Variants in ADGRL3 observed in about 807,000 individuals in gnomAD.
The protein encoded by ADGRL3 is adhesion G protein-coupled receptor L3.
ADGRL3 carries 62 observed loss-of-function variants against 153.5 expected under a neutral mutation model. The ratio of observed to expected loss-of-function variants is 0.40; its 90% CI spans 0.33 to 0.50. The LOEUF (loss-of-function observed/expected upper bound fraction) is 0.50, where lower values mean the gene tolerates loss of function less well. Ranked by LOEUF, ADGRL3 falls within the 20% of genes least tolerant of loss-of-function variation. ADGRL3 has a pLI of 0.47. For synonymous variants in ADGRL3, 710 were observed against 672.5 expected (o/e 1.06, Z -0.86); for missense variants, 1,641 against 1,859.4 (o/e 0.88, Z 2.16).
At chr4:61,369,799 G>A (rs552350753) in intron 1 of ADGRL3, among the ~76,000 whole-genome samples, 4,845 of 152,190 alleles carry the variant, frequency 0.032, 97 homozygotes, top group Non-Finnish European at 0.05. Flanking sequence ...GTTTCAGAAG[G>A]AATGGTACCA....
chr4:61,207,959 A>G (rs530344003), intron 1 of ADGRL3, among the ~76,000 whole-genome samples: 27 of 152,324 alleles, frequency 1.8e-4, no homozygotes, highest in African/African-American at 6.3e-4. Context: ...TCCAACCTGT[A>G]AAAAGATAGG....
intron 1 of ADGRL3, among the ~76,000 whole-genome samples, chr4:61,247,697 T>C (rs1757624011): frequency 6.6e-6 from 1 of 152,058 alleles, no homozygotes; most frequent in South Asian, 2.1e-4. Context: ...CTACATATTT[T>C]ACATTAAAAT....
chr4:61,212,836 T>A (rs964643310), intron 1 of ADGRL3, among the ~76,000 whole-genome samples: 2 of 152,168 alleles, frequency 1.3e-5, no homozygotes, highest in African/African-American at 4.8e-5. Context: ...ATTAGTATGC[T>A]GTCAACATTT....
chr4:61,665,864 G>A (rs759252702), intron 5 of ADGRL3, among the ~76,000 whole-genome samples: 1 of 152,080 alleles, frequency 6.6e-6, no homozygotes, highest in African/African-American at 2.4e-5. Context: ...AGTACCAAGT[G>A]GGAGATAAAA....
At chr4:61,844,990 A>G (rs1400155365) in intron 9 of ADGRL3, among the ~76,000 whole-genome samples, 1 of 152,186 alleles carries the variant, frequency 6.6e-6, no homozygotes, top group Non-Finnish European at 1.5e-5. Flanking sequence ...ATTAAGAAAG[A>G]AAATAGAAGA....
intron 4 of ADGRL3, among the ~76,000 whole-genome samples, chr4:61,547,931 T>C (rs1032881866): frequency 6.6e-6 from 1 of 152,120 alleles, no homozygotes; most frequent in Non-Finnish European, 1.5e-5. Flanking sequence ...TTTTTGACTT[T>C]TTAATAGTAG....
chr4:61,544,692 T>C (rs2148691241), intron 4 of ADGRL3, among the ~76,000 whole-genome samples: 1 of 152,346 alleles, frequency 6.6e-6, no homozygotes, highest in Non-Finnish European at 1.5e-5. Context: ...TTGAAGTTTT[T>C]ATATTTTATG....
At chr4:61,496,447 T>A (rs1300887857) in intron 2 of ADGRL3, among the ~76,000 whole-genome samples, 1 of 150,720 alleles carries the variant, frequency 6.6e-6, no homozygotes, top group Non-Finnish European at 1.5e-5. Context: ...GTGGATCACC[T>A]GAGGTCGGGA....
chr4:61,738,316 G>A (rs908094619), intron 8 of ADGRL3, among the ~76,000 whole-genome samples: 10 of 152,008 alleles, frequency 6.6e-5, no homozygotes, highest in African/African-American at 1.7e-4. Flanking sequence ...TTATCCACTC[G>A]TTGATTGATG....
At chr4:61,520,442 G>C (rs756351058) in intron 4 of ADGRL3, among the ~76,000 whole-genome samples, 4 of 152,102 alleles carry the variant, frequency 2.6e-5, no homozygotes, top group Non-Finnish European at 5.9e-5. Context: ...AAGCATTTCA[G>C]TCCTGACAAA....
intron 9 of ADGRL3, among the ~76,000 whole-genome samples, chr4:61,842,899 G>A (rs2149015267): frequency 6.6e-6 from 1 of 152,252 alleles, no homozygotes; most frequent in Non-Finnish European, 1.5e-5. Context: ...TTGGAAATTG[G>A]AAACAGGTGT....
intron 5 of ADGRL3, among the ~76,000 whole-genome samples, chr4:61,646,260 C>A (rs138579906): frequency 3.9e-5 from 6 of 152,006 alleles, no homozygotes; most frequent in Non-Finnish European, 7.4e-5. Context: ...GTAATTTGAT[C>A]GTCTGAAGCC....
In ADGRL3 at chr4:61,745,639, C is replaced by A. The variant is rs541287477; in HGVS notation, c.1399+12085C>A. ...TCATAAGTGAAGGAGAAATAAAATA[C>A]TTTACAAACAAGCAAATGCTGAGAG... On this transcript the variant is annotated intron_variant, in intron 8 of 26. Transcript: ENST00000683033. Among the ~76,000 whole-genome samples, 114 of 152,296 alleles carry A rather than the reference C, an allele frequency of 7.5e-4. 1 individual carries two copies. The highest frequency in any genetic ancestry group is 1.5e-3 in the Non-Finnish European group (99 of 68,032).
rs963319673 is a variant in ADGRL3 at position 61,369,441 on chromosome 4, G to C, written c.-239-13683G>C. On this transcript the variant is annotated intron_variant, in intron 1 of 26. Coordinates refer to ENST00000683033, the MANE Select transcript of ADGRL3 (RefSeq NM_001387552.1). ...TTTATTGAGAGTTTTTAGCATGAAG[G>C]GTTGTTGAATTTTGTCAAAGGCCTT... Among the ~76,000 whole-genome samples, 129 of 152,038 alleles carry C rather than the reference G, an allele frequency of 8.5e-4. 2 individuals carry two copies. The highest frequency in any genetic ancestry group is 3.5e-3 in the South Asian group (17 of 4,810).
intron 8 of ADGRL3, among the ~76,000 whole-genome samples, chr4:61,808,697 A>G (rs1287270315): frequency 6.6e-6 from 1 of 151,986 alleles, no homozygotes; most frequent in African/African-American, 2.4e-5. Context: ...CCAATTTTCC[A>G]TCAGCACAAA....
chr4:61,713,884 T>A (rs2096054028), intron 6 of ADGRL3, among the ~76,000 whole-genome samples: 1 of 152,184 alleles, frequency 6.6e-6, no homozygotes, highest in Non-Finnish European at 1.5e-5. Flanking sequence ...TTACTTTGGT[T>A]CAAGTCCCAA....
chr4:61,570,046 T>C (rs949790217), intron 4 of ADGRL3, among the ~76,000 whole-genome samples: 3 of 152,178 alleles, frequency 2.0e-5, no homozygotes, highest in Non-Finnish European at 2.9e-5. Context: ...TATGAACGTA[T>C]TTGCACAAGT....
chr4:61,589,219 G>A (rs1350081783), intron 5 of ADGRL3, among the ~76,000 whole-genome samples: 2 of 152,038 alleles, frequency 1.3e-5, no homozygotes, highest in African/African-American at 2.4e-5. Context: ...TGAGTTGTCA[G>A]TTAGCTGAAA....
intron 8 of ADGRL3, among the ~76,000 whole-genome samples, chr4:61,803,397 G>T (rs1449509929): frequency 2.0e-5 from 3 of 152,016 alleles, no homozygotes; most frequent in Non-Finnish European, 4.4e-5. Flanking sequence ...AGGTAAACAG[G>T]TCTGATTTAA....
Sources: gnomAD v4.1 joint callset for allele counts (sites outside exome capture counted in the v4.1 genomes callset) on GRCh38, gnomAD v4.1.1 for gene constraint, MANE v1.5 for transcripts, NCBI Gene and HGNC (gene_info 2026-07-23, HGNC 2026-07-21) for gene names.